Variants in CCDC102B observed in about 807,000 individuals in gnomAD.
The protein encoded by CCDC102B is coiled-coil domain-containing protein 102B.
A neutral mutation model predicts 57.4 loss-of-function variants in CCDC102B; 75 were observed. That is an observed-to-expected ratio of 1.31 (90% confidence interval 1.08 to 1.58). The LOEUF is 1.58. Ranked by LOEUF, CCDC102B falls within the 40% of genes most tolerant of loss-of-function variation. The pLI, the probability that CCDC102B is intolerant of heterozygous loss-of-function variation, is 0.00. For synonymous variants in CCDC102B, 206 were observed against 201.9 expected, an observed-to-expected ratio of 1.02 and a Z score of -0.17; for missense variants, 636 against 582.6, an observed-to-expected ratio of 1.09 and a Z score of -0.94.
intron 5 of CCDC102B, among the ~76,000 whole-genome samples, chr18:68,884,980 T>C (rs1020370671): frequency 1.0e-3 from 157 of 152,064 alleles, no homozygotes; most frequent in African/African-American, 3.7e-3. Context: ...TAACATCATG[T>C]GGCATACCTT....
At chr18:69,036,912 G>C (rs117694081) in intron 7 of CCDC102B, among the ~76,000 whole-genome samples, 1 of 151,932 alleles carries the variant, frequency 6.6e-6, no homozygotes, top group Non-Finnish European at 1.5e-5. Context: ...ACACATCCTC[G>C]ATTGAAGTTA....
chr18:68,729,763 T>A (rs2032773445), intron 2 of CCDC102B, among the ~76,000 whole-genome samples: 1 of 152,128 alleles, frequency 6.6e-6, no homozygotes, highest in African/African-American at 2.4e-5. Flanking sequence ...TGAATACAAA[T>A]GTTGCAAGTC....
Position 68,857,178 on chromosome 18 carries a change from A to T in CCDC102B, c.936+10757A>T, listed in dbSNP as rs188609423. Among the ~76,000 whole-genome samples, 88 of 11,356 alleles carry T rather than the reference A, an allele frequency of 7.7e-3. 6 individuals are homozygous for T. Among genetic ancestry groups the T allele is most frequent in the African/African-American group, 0.036 (72 of 1,986 alleles). The allele number at this position is 11,356 out of a possible 152,430, so 7.4% of individuals were successfully genotyped here. A position where few individuals can be genotyped will look rare whatever the true frequency, so the allele number is the denominator to read the frequency against. ...TTTATATATTTTTATATAATATATA[A>T]AAATATATTTATATATTTTTATATA... On this transcript the variant is annotated intron_variant, in intron 4 of 7. Coordinates refer to ENST00000360242, the MANE Select transcript of CCDC102B (RefSeq NM_024781.3).
intron 2 of CCDC102B, among the ~76,000 whole-genome samples, chr18:68,758,894 C>A (rs949551381): frequency 6.8e-6 from 1 of 148,030 alleles, no homozygotes; most frequent in Non-Finnish European, 1.5e-5. Context: ...AATAAAAATA[C>A]AACAACTTAA....
At chr18:68,723,407 C>T (rs763782193) in intron 2 of CCDC102B, among the ~76,000 whole-genome samples, 2 of 152,122 alleles carry the variant, frequency 1.3e-5, no homozygotes, top group Non-Finnish European at 2.9e-5. Flanking sequence ...AGCATTAACC[C>T]AAAGTCCAAG....
At chr18:69,022,775 T>A (rs2051880898) in intron 7 of CCDC102B, among the ~76,000 whole-genome samples, 1 of 152,108 alleles carries the variant, frequency 6.6e-6, no homozygotes, top group Non-Finnish European at 1.5e-5. Context: ...GCACAACATG[T>A]CCTTTGTTTT....
chr18:68,897,542 CTAATACCTGA>C, intron 6 of CCDC102B, 114 bp downstream of exon 6: 1 of 1,549,510 alleles, frequency 6.5e-7, no homozygotes, highest in Non-Finnish European at 8.8e-7. Flanking sequence ...TTTGTGCCAG[CTAATACCTGA>C]TACTCCTTGC....
intron 7 of CCDC102B, among the ~76,000 whole-genome samples, chr18:69,051,824 G>A (rs745714027): frequency 1.3e-5 from 2 of 151,738 alleles, no homozygotes; most frequent in African/African-American, 4.8e-5. Flanking sequence ...TTCAAAATGT[G>A]TTTGTATAGG....
chr18:68,748,989 C>T (rs902112269), intron 2 of CCDC102B, among the ~76,000 whole-genome samples: 7 of 152,170 alleles, frequency 4.6e-5, no homozygotes, highest in African/African-American at 7.2e-5. Context: ...CAGCTTTCTA[C>T]ATATGGCTAG....
chr18:69,056,300 G>A (rs1216235173), downstream of CCDC102B, among the ~76,000 whole-genome samples: 1 of 152,002 alleles, frequency 6.6e-6, no homozygotes, highest in East Asian at 1.9e-4. Context: ...GTATCTTGGT[G>A]TGCAACAATC....
chr18:68,718,498 A>G lies in CCDC102B; in HGVS notation c.-67+1904A>G, dbSNP rs1317989133. 2.6e-5 allele frequency among the ~76,000 whole-genome samples: 4 copies of G among 152,218 alleles called. No homozygotes were observed. The East Asian group carries it at 7.7e-4, about 29-fold the overall frequency. On this transcript the variant is annotated intron_variant, in intron 2 of 3. Coordinates refer to the CCDC102B transcript ENST00000578970. Reference sequence around the variant, plus strand: ...GTTAAAAGTTGGGATACAGGTAAACATCAGGTTTCTTGATCTGGGTGCTGC... The same window carrying G: ...GTTAAAAGTTGGGATACAGGTAAACGTCAGGTTTCTTGATCTGGGTGCTGC...
At chr18:69,050,294 C>G (rs1179038284) in intron 7 of CCDC102B, among the ~76,000 whole-genome samples, 1 of 152,274 alleles carries the variant, frequency 6.6e-6, no homozygotes, top group South Asian at 2.1e-4. Flanking sequence ...TTGAAAACTT[C>G]TAAAACCTTC....
At chr18:68,838,573 T>G (rs2037487548) in intron 2 of CCDC102B, 133 bp from the exon 3 acceptor site, 8 of 1,439,830 alleles carry the variant, frequency 5.6e-6, no homozygotes, top group Non-Finnish European at 7.3e-6. Context: ...ACACAACACT[T>G]TCAGGGAATG....
At chr18:69,001,313 TTTGTTG>T (rs67505949) in intron 6 of CCDC102B, among the ~76,000 whole-genome samples, 68 of 151,618 alleles carry the variant, frequency 4.5e-4, no homozygotes, top group African/African-American at 1.6e-3. Context: ...TACCTACTGA[TTTGTTG>T]TTGTTGTTGT....
chr18:68,765,319 AGGAAGGAAAG>A (rs1568238722), intron 2 of CCDC102B, among the ~76,000 whole-genome samples: 2 of 48,168 alleles, frequency 4.2e-5, no homozygotes, highest in African/African-American at 1.4e-4. Flanking sequence ...GAAGGAAGGA[AGGAAGGAAAG>A]AAAGAAAGAA....
chr18:68,735,239 A>G (rs2033075107), intron 2 of CCDC102B, among the ~76,000 whole-genome samples: 1 of 144,844 alleles, frequency 6.9e-6, no homozygotes. Context: ...TTTTTTTTTT[A>G]GGAGAGACAG....
intron 2 of CCDC102B, among the ~76,000 whole-genome samples, chr18:68,759,190 G>A (rs1354065047): frequency 1.3e-5 from 2 of 151,828 alleles, no homozygotes; most frequent in African/African-American, 4.8e-5. Flanking sequence ...TAAAATATTG[G>A]GGAAAAATAA....
chr18:68,759,492 A>C (rs528621537), intron 2 of CCDC102B, among the ~76,000 whole-genome samples: 1 of 152,204 alleles, frequency 6.6e-6, no homozygotes, highest in East Asian at 1.9e-4. Context: ...TCACATACAA[A>C]GGAACTGAGA....
intron 7 of CCDC102B, among the ~76,000 whole-genome samples, chr18:69,046,251 C>T (rs531591418): frequency 5.3e-5 from 8 of 152,258 alleles, no homozygotes; most frequent in African/African-American, 1.2e-4. Flanking sequence ...TCTGCAACCT[C>T]GCCAGCATCT....
Sources: allele counts gnomAD v4.1 joint callset (sites outside exome capture counted in the v4.1 genomes callset), GRCh38; gene constraint gnomAD v4.1.1; transcripts MANE v1.5; gene names NCBI Gene and HGNC (gene_info 2026-07-23, HGNC 2026-07-21).